Variants in SHROOM3 observed in about 807,000 individuals in gnomAD.
SHROOM3 encodes shroom family member 3.
SHROOM3 carries 47 observed loss-of-function variants against 138.6 expected under a neutral mutation model. That is an observed-to-expected ratio of 0.34 (90% CI 0.27 to 0.43). SHROOM3 has a LOEUF of 0.43. SHROOM3 is among the 20% of genes least tolerant of loss of function. The pLI, the probability that SHROOM3 is intolerant of heterozygous loss-of-function variation, is 1.00. For synonymous variants in SHROOM3, 1,062 were observed against 1,063.3 expected, an observed-to-expected ratio of 1.00 and a Z score of 0.02; for missense variants, 2,491 against 2,596.5, an observed-to-expected ratio of 0.96 and a Z score of 0.88.
intron 2 of SHROOM3, among the ~76,000 whole-genome samples, chr4:76,573,989 C>G (rs922783574): frequency 9.9e-5 from 15 of 152,154 alleles, no homozygotes; most frequent in South Asian, 4.1e-4. Context: ...CCTAGGGTCT[C>G]AAATGGTGCA....
intron 10 of SHROOM3, among the ~76,000 whole-genome samples, chr4:76,775,356 G>A (rs1440271754): frequency 7.1e-6 from 1 of 140,914 alleles, no homozygotes; most frequent in Admixed American, 7.1e-5. Flanking sequence ...ACCACAATGT[G>A]ATACCACCTT....
In SHROOM3 at chr4:76,466,791, C is replaced by CT. The variant is rs1247511816; in HGVS notation, c.168+30577dup. 9.2e-5 allele frequency among the ~76,000 whole-genome samples: 14 copies of CT among 152,080 alleles called. No homozygotes were observed. In the East Asian group the frequency reaches 2.7e-3, roughly 29 times the overall value. On this transcript the variant is annotated intron_variant, in intron 1 of 10. Coordinates refer to ENST00000296043, the MANE Select transcript of SHROOM3 (RefSeq NM_020859.4). The stretch of plus-strand genomic sequence containing the variant: ...AATCCTAAGAGCCATAAAGGAATCC[C>CT]TTTTTTGTACATGTTTAATTTTACA...
intron 1 of SHROOM3, among the ~76,000 whole-genome samples, chr4:76,493,598 G>A (rs1230608708): frequency 3.9e-5 from 6 of 152,192 alleles, no homozygotes; most frequent in Admixed American, 3.3e-4. Context: ...TGGCTAGGAC[G>A]AGAACCCTCC....
At chr4:76,747,622 C>T (rs1271007862) in intron 5 of SHROOM3, among the ~76,000 whole-genome samples, 1 of 152,114 alleles carries the variant, frequency 6.6e-6, no homozygotes, top group Non-Finnish European at 1.5e-5. Context: ...GGGTTAGGCG[C>T]TCACATGGGA....
At chr4:76,502,711 T>G (rs1354537089) in intron 1 of SHROOM3, among the ~76,000 whole-genome samples, 1 of 152,238 alleles carries the variant, frequency 6.6e-6, no homozygotes, top group Non-Finnish European at 1.5e-5. Flanking sequence ...GCATGTTTGC[T>G]GCTACAATAT....
chr4:76,747,068 T>G (rs370876685), intron 5 of SHROOM3, among the ~76,000 whole-genome samples: 1 of 152,116 alleles, frequency 6.6e-6, no homozygotes, highest in East Asian at 1.9e-4. Flanking sequence ...TCTGCCTGTC[T>G]CTGCCTCCCA....
Position 76,756,900 on chromosome 4 carries a change from C to G in SHROOM3, c.5161C>G (p.Gln1721Glu), listed in dbSNP as rs770097927. 1 of 1,614,090 alleles carries G rather than the reference C, an allele frequency of 6.2e-7. No homozygotes were observed. Among genetic ancestry groups the G allele is most frequent in the Non-Finnish European group, 8.5e-7 (1 of 1,180,020 alleles). ...KENSVKRKAI[Q>E]RTVSSSGCEG... The stretch of plus-strand genomic sequence containing the variant: ...AAACAGTGTAAAGAGGAAGGCCATA[C>G]AGAGAACTGTCAGCTCTTCAGGATG... Residue 1721 changes from glutamine to glutamate, a missense_variant, in exon 8 of 11, where the codon CAG becomes GAG. By Grantham distance (29) the Gln-to-Glu change is conservative. This residue lies in a region of SHROOM3 where 470 missense variants were observed against 595.0 expected (regional missense o/e 0.79). Transcript: ENST00000296043.
chr4:76,557,352 G>T (rs1382935889), intron 2 of SHROOM3, among the ~76,000 whole-genome samples: 1 of 151,808 alleles, frequency 6.6e-6, no homozygotes, highest in Non-Finnish European at 1.5e-5. Flanking sequence ...TTAAGTGAAA[G>T]AAGCCAGTCA....
At chr4:76,746,806 ATT>A (rs1721450717) in intron 5 of SHROOM3, among the ~76,000 whole-genome samples, 1 of 145,534 alleles carries the variant, frequency 6.9e-6, no homozygotes, top group Non-Finnish European at 1.5e-5. Flanking sequence ...TATTATTATT[ATT>A]ATTATTATTA....
At chr4:76,502,050 A>G (rs1051852041) in intron 1 of SHROOM3, among the ~76,000 whole-genome samples, 2 of 152,020 alleles carry the variant, frequency 1.3e-5, no homozygotes, top group African/African-American at 4.8e-5. Flanking sequence ...GAATTAATCC[A>G]TTGATGGATT....
At chr4:76,733,539 C>A (rs1056641305) in intron 4 of SHROOM3, among the ~76,000 whole-genome samples, 1 of 152,204 alleles carries the variant, frequency 6.6e-6, no homozygotes, top group African/African-American at 2.4e-5. Context: ...CACAAACAAA[C>A]CATGCCTGAG....
Position 76,740,670 on chromosome 4 carries a change from C to G in SHROOM3, c.2497C>G (p.Arg833Gly). Residue 833 changes from arginine (R) to glycine (G), a missense_variant, in exon 5 of 11, where the codon CGT becomes GGT. By Grantham distance (125) the Arg-to-Gly change is moderately radical (BLOSUM62 -2). Coordinates refer to ENST00000296043, the MANE Select transcript of SHROOM3 (RefSeq NM_020859.4). The surrounding 1 kb of genome is among the most constrained non-coding windows in gnomAD (Gnocchi z 4.0). Reference sequence around the variant, plus strand: ...CTTCGAGGAGACAAAAGCACACATTCGTTTCTCTGAGTCAGCTGAACCCCT... The same window carrying G: ...CTTCGAGGAGACAAAAGCACACATTGGTTTCTCTGAGTCAGCTGAACCCCT... ...NDFEETKAHI[R>G]FSESAEPLGN... 3.1e-6 allele frequency: 5 copies of G among 1,614,130 alleles called. No homozygotes were observed. The highest frequency in any genetic ancestry group is 4.2e-6 in the Non-Finnish European group (5 of 1,180,036).
At chr4:76,580,715 T>A (rs1237470759) in intron 2 of SHROOM3, among the ~76,000 whole-genome samples, 1 of 152,142 alleles carries the variant, frequency 6.6e-6, no homozygotes, top group South Asian at 2.1e-4. Context: ...CGTGAGCCAC[T>A]GTACCCCGCC....
intron 2 of SHROOM3, among the ~76,000 whole-genome samples, chr4:76,696,441 G>A (rs373640967): frequency 5.6e-4 from 85 of 152,288 alleles, no homozygotes; most frequent in African/African-American, 1.9e-3. Context: ...CCATTGATCC[G>A]CAGCTGGATT....
intron 2 of SHROOM3, among the ~76,000 whole-genome samples, chr4:76,573,072 C>T (rs1046425876): frequency 6.6e-6 from 1 of 150,538 alleles, no homozygotes; most frequent in Admixed American, 6.6e-5. Flanking sequence ...CAGAGCTAGA[C>T]ACTGTCTCAA....
At position 76,740,641 on chromosome 4, in the gene SHROOM3, A is replaced by G. The variant is rs754586371; in HGVS notation, c.2468A>G (p.Asn823Ser). ...RTVSTSSTSGNDFEETKAHIR... is the reference protein window; with the variant it reads ...RTVSTSSTSGSDFEETKAHIR... The stretch of plus-strand genomic sequence containing the variant: ...GTCTCAACTTCCAGTACTTCTGGGA[A>G]TGACTTCGAGGAGACAAAAGCACAC... The change falls in exon 5 of 11, where the codon AAT becomes AGT. Residue 823 changes from asparagine to serine, a missense_variant. Physicochemically the swap from Asn to Ser is conservative, Grantham distance 46. Around this residue, in one of 4 missense-constraint regions of SHROOM3, gnomAD observed 1,733 missense variants for 1,661.6 expected, o/e 1.04. Transcript: ENST00000296043. This position sits in a 1 kb window ranked among gnomAD's most constrained non-coding sequence, Gnocchi z 4.0. 4.3e-6 allele frequency: 7 copies of G among 1,614,050 alleles called. No homozygotes were observed. Among genetic ancestry groups the G allele is most frequent in the Non-Finnish European group, 5.9e-6 (7 of 1,180,032 alleles).
chr4:76,656,380 T>C (rs1242524697), intron 2 of SHROOM3, among the ~76,000 whole-genome samples: 1 of 152,240 alleles, frequency 6.6e-6, no homozygotes, highest in Non-Finnish European at 1.5e-5. Flanking sequence ...CTTCTCTGAA[T>C]TTAAATTACA....
chr4:76,552,223 T>C (rs1401580158), intron 1 of SHROOM3, among the ~76,000 whole-genome samples: 4 of 150,426 alleles, frequency 2.7e-5, no homozygotes, highest in African/African-American at 7.3e-5. Context: ...ATAGTATATA[T>C]TGGCCAGGCA....
rs1469299684 is a variant in SHROOM3, at chr4:76,730,787, C to T, written c.456-17C>T. The T allele has an allele frequency of 1.2e-6, 2 of 1,613,810 alleles. No individual in the cohort carries two copies. The highest frequency in any genetic ancestry group is 3.3e-5 in the Admixed American group (2 of 60,002). ...GACTTTGGCTAATGTTGGGGGGTCC[C>T]TCCTGTGTCTCCCCAGGCGCAGTGA... On this transcript the variant is annotated splice_polypyrimidine_tract_variant and intron_variant, in intron 3 of 10. Coordinates refer to ENST00000296043, the MANE Select transcript of SHROOM3 (RefSeq NM_020859.4).
Sources: gnomAD v4.1 joint callset for allele counts (sites outside exome capture counted in the v4.1 genomes callset) on GRCh38, gnomAD v4.1.1 for gene constraint, gnomAD v4.1.1 regional missense constraint, Gnocchi (gnomAD v3.1) non-coding constraint, MANE v1.5 for transcripts, NCBI Gene and HGNC (gene_info 2026-07-23, HGNC 2026-07-21) for gene names.